The following ITGBL1 variants were observed in gnomAD, a reference collection of about 807,000 sequenced individuals.
ITGBL1 encodes the protein integrin beta-like protein 1.
In ITGBL1, 51 loss-of-function variants were observed where a neutral mutation model predicts 68.5. The ratio of observed to expected loss-of-function variants is 0.74; its 90% CI spans 0.59 to 0.94. The LOEUF is 0.94. ITGBL1 is among the 40% of genes least tolerant of loss of function. ITGBL1 has a pLI of 0.00. For synonymous variants in ITGBL1, 209 were observed against 227.3 expected (o/e 0.92, Z 0.72); for missense variants, 649 against 647.4 (o/e 1.00, Z -0.03).
chr13:101,547,968 A>C (rs774653441), intron 2 of ITGBL1, among the ~76,000 whole-genome samples: 29 of 151,718 alleles, frequency 1.9e-4, no homozygotes, highest in South Asian at 4.1e-4. Flanking sequence ...CACACACACA[A>C]AAAGAGATAA....
At chr13:101,641,916 T>A (rs2032392817) in intron 7 of ITGBL1, among the ~76,000 whole-genome samples, 1 of 152,044 alleles carries the variant, frequency 6.6e-6, no homozygotes, top group Non-Finnish European at 1.5e-5. Flanking sequence ...GGCTACATAG[T>A]ATTCCATGGA....
chr13:101,501,627 C>A (rs1043660742), intron 2 of ITGBL1, among the ~76,000 whole-genome samples: 1 of 152,060 alleles, frequency 6.6e-6, no homozygotes, highest in African/African-American at 2.4e-5. Context: ...ATTGTAATGC[C>A]CCATGATAGC....
chr13:101,646,590 T>A (rs1243877400), intron 7 of ITGBL1, among the ~76,000 whole-genome samples: 1 of 152,102 alleles, frequency 6.6e-6, no homozygotes, highest in Non-Finnish European at 1.5e-5. Flanking sequence ...TCTATACCCC[T>A]TTCCCAAGTA....
intron 7 of ITGBL1, among the ~76,000 whole-genome samples, chr13:101,600,114 G>C (rs2030267582): frequency 6.6e-6 from 1 of 152,048 alleles, no homozygotes; most frequent in Non-Finnish European, 1.5e-5. Flanking sequence ...TTATTTCATT[G>C]AGCAGTGGTT....
At chr13:101,720,394 T>C (rs1262617821), downstream of ITGBL1, 1 of 152,150 alleles carries the variant, frequency 6.6e-6, no homozygotes, top group African/African-American at 2.4e-5. Context: ...ACAACAGAGA[T>C]ACACATTTAC....
chr13:101,688,769 A>G (rs1398695502), intron 7 of ITGBL1, among the ~76,000 whole-genome samples: 1 of 152,246 alleles, frequency 6.6e-6, no homozygotes, highest in Non-Finnish European at 1.5e-5. Context: ...GCAATTGGAA[A>G]TGAATATCTA....
At chr13:101,588,336 GAGATCTT>G (rs2050594682) in intron 6 of ITGBL1, among the ~76,000 whole-genome samples, 1 of 137,824 alleles carries the variant, frequency 7.3e-6, no homozygotes, top group Non-Finnish European at 1.6e-5. Context: ...TACATACAGA[GAGATCTT>G]TAGAGAGCAT....
intron 7 of ITGBL1, among the ~76,000 whole-genome samples, chr13:101,605,038 A>G (rs1467449511): frequency 4.0e-4 from 54 of 136,690 alleles, no homozygotes; most frequent in Non-Finnish European, 5.2e-4. Context: ...ATATATACAT[A>G]TACGCATATA....
At chr13:101,608,128 C>T (rs2030957161) in intron 7 of ITGBL1, among the ~76,000 whole-genome samples, 1 of 152,004 alleles carries the variant, frequency 6.6e-6, no homozygotes, top group Non-Finnish European at 1.5e-5. Flanking sequence ...AATATTGTAA[C>T]TTCTAGAAAA....
At chr13:101,670,432 G>A (rs2033329620) in intron 7 of ITGBL1, among the ~76,000 whole-genome samples, 1 of 152,136 alleles carries the variant, frequency 6.6e-6, no homozygotes, top group South Asian at 2.1e-4. Context: ...GTTTTATCAA[G>A]ATAATTCCCT....
intron 2 of ITGBL1, among the ~76,000 whole-genome samples, chr13:101,483,236 C>T (rs1270867694): frequency 1.3e-5 from 2 of 152,182 alleles, no homozygotes. Flanking sequence ...GGTAGCCTGA[C>T]TCAGGGAGTA....
intron 2 of ITGBL1, among the ~76,000 whole-genome samples, chr13:101,484,870 A>G (rs943204398): frequency 1.3e-5 from 2 of 152,122 alleles, no homozygotes; most frequent in African/African-American, 2.4e-5. Context: ...CAAGCACAAG[A>G]CGCTCAATAA....
chr13:101,571,362 G>A (rs570403201), intron 3 of ITGBL1, among the ~76,000 whole-genome samples: 15 of 152,136 alleles, frequency 9.9e-5, no homozygotes, highest in African/African-American at 2.4e-4. Flanking sequence ...GTATGTAGTC[G>A]AATGACGTGT....
intron 2 of ITGBL1, among the ~76,000 whole-genome samples, chr13:101,536,101 G>T (rs2049570968): frequency 6.6e-6 from 1 of 151,404 alleles, no homozygotes; most frequent in Non-Finnish European, 1.5e-5. Context: ...TGTGCACATT[G>T]TGCAGGTTAG....
At chr13:101,564,830 G>C (rs1017704140) in intron 2 of ITGBL1, among the ~76,000 whole-genome samples, 3 of 150,512 alleles carry the variant, frequency 2.0e-5, no homozygotes, top group Non-Finnish European at 4.4e-5. Flanking sequence ...TACAAAAATG[G>C]GCAAAAGAAG....
At chr13:101,456,957 A>C (rs2048251900) in intron 2 of ITGBL1, among the ~76,000 whole-genome samples, 2 of 152,312 alleles carry the variant, frequency 1.3e-5, no homozygotes, top group South Asian at 4.1e-4. Context: ...TCCAGGATTC[A>C]AATCCTAGTC....
intron 2 of ITGBL1, among the ~76,000 whole-genome samples, chr13:101,513,227 A>T (rs9300672): frequency 0.034 from 5,161 of 152,136 alleles, 296 homozygotes; most frequent in African/African-American, 0.12. Flanking sequence ...AGGGATATTT[A>T]AAAATAAAAA....
intron 7 of ITGBL1, among the ~76,000 whole-genome samples, chr13:101,620,264 TC>T (rs909031889): frequency 6.6e-5 from 10 of 152,092 alleles, no homozygotes; most frequent in African/African-American, 1.9e-4. Flanking sequence ...TAAAATGAAT[TC>T]AAAATCAAAA....
At chr13:101,484,407 T>C (rs2048671660) in intron 2 of ITGBL1, among the ~76,000 whole-genome samples, 1 of 152,150 alleles carries the variant, frequency 6.6e-6, no homozygotes, top group East Asian at 1.9e-4. Flanking sequence ...TTCTTAAAAA[T>C]TCTCAGTGAT....
Sources: allele counts gnomAD v4.1 joint callset (sites outside exome capture counted in the v4.1 genomes callset), GRCh38; gene constraint gnomAD v4.1.1; transcripts MANE v1.5; gene names NCBI Gene and HGNC (gene_info 2026-07-23, HGNC 2026-07-21).